Variants in MID2 observed in about 807,000 individuals in gnomAD.
The protein encoded by MID2 is probable E3 ubiquitin-protein ligase MID2.
A neutral mutation model predicts 46.1 loss-of-function variants in MID2; 13 were observed. The ratio of observed to expected loss-of-function variants is 0.28; its 90% confidence interval spans 0.18 to 0.45. MID2 has a LOEUF of 0.45. MID2 is among the 20% of genes least tolerant of loss of function. The pLI is 1.00. For missense variants in MID2, 431 were observed against 575.4 expected (o/e 0.75, Z 2.57); for synonymous variants, 199 against 212.3 (o/e 0.94, Z 0.55).
chrX:107,897,456 T>G (rs1364484908), intron 3 of MID2, among the ~76,000 whole-genome samples: 1 of 112,244 alleles, frequency 8.9e-6, no homozygotes, highest in Non-Finnish European at 1.9e-5. Flanking sequence ...CCACCCTCCC[T>G]CAAATCTAAA....
chrX:107,926,807 C>T lies in MID2; in HGVS notation c.1942C>T (p.Pro648Ser). 2 of 1,211,384 alleles carry T rather than the reference C, an allele frequency of 1.7e-6. No individual in the cohort carries two copies. Among genetic ancestry groups the T allele is most frequent in the Non-Finnish European group, 2.2e-6 (2 of 895,243 alleles). Reference protein sequence around the residue: ...HNNKEMLVDVPPHLKRLGVLL... With the variant: ...HNNKEMLVDVSPHLKRLGVLL... The stretch of plus-strand genomic sequence containing the variant: ...CAACAAGGAAATGCTGGTGGATGTG[C>T]CCCCACACCTGAAGCGTCTGGGTGT... The change falls in exon 10 of 10, where the codon CCC becomes TCC. Residue 648 changes from proline (P) to serine (S), a missense_variant. Transcript: ENST00000262843.
intron 3 of MID2, among the ~76,000 whole-genome samples, chrX:107,890,362 T>C (rs1212754583): frequency 8.9e-6 from 1 of 112,372 alleles, no homozygotes; most frequent in East Asian, 2.8e-4. Flanking sequence ...TGCAGGCCTG[T>C]TGGAGTTTGT....
intron 5 of MID2, among the ~76,000 whole-genome samples, chrX:107,906,951 C>G (rs1290394471): frequency 1.8e-5 from 2 of 112,429 alleles, no homozygotes; most frequent in Non-Finnish European, 3.8e-5. Context: ...AGGCCTGACT[C>G]CTATACTTTC....
chrX:107,849,995 C>T (rs1931573308), intron 2 of MID2, among the ~76,000 whole-genome samples: 1 of 112,066 alleles, frequency 8.9e-6, no homozygotes, highest in African/African-American at 3.2e-5. Flanking sequence ...CACTTTGGCT[C>T]TCTTGCTGTC....
chrX:107,855,882 C>T (rs73527043), intron 3 of MID2, among the ~76,000 whole-genome samples: 7,867 of 111,348 alleles, frequency 0.071, 713 homozygotes, highest in African/African-American at 0.24. Context: ...GAGTACTGGT[C>T]AAACTCAGAT....
intron 3 of MID2, among the ~76,000 whole-genome samples, chrX:107,860,152 C>T (rs753826353): frequency 4.5e-5 from 5 of 111,189 alleles, no homozygotes; most frequent in Non-Finnish European, 7.5e-5. Flanking sequence ...CAGCTTGAGA[C>T]AGTGGCAGTA....
intron 3 of MID2, among the ~76,000 whole-genome samples, chrX:107,858,469 A>G (rs1045975528): frequency 2.7e-5 from 3 of 112,352 alleles, no homozygotes; most frequent in African/African-American, 9.7e-5. Flanking sequence ...GGTTCTGTGA[A>G]TAATAGGCAT....
rs186917575 is a variant in MID2 at position 107,902,482 on chromosome X, G to C, written c.817-1476G>C. ...TAGATCCAATTTAGGGAAAGGGTGAGGTGTCTGAGAAAAAAAAGTAGAATG... is the reference window on the plus strand; with the variant it reads ...TAGATCCAATTTAGGGAAAGGGTGACGTGTCTGAGAAAAAAAAGTAGAATG... On this transcript the variant is annotated intron_variant, in intron 3 of 9. Transcript: ENST00000262843. 7.8e-3 allele frequency among the ~76,000 whole-genome samples: 871 copies of C among 111,246 alleles called. 7 individuals carry two copies. Among genetic ancestry groups the C allele is most frequent in the Non-Finnish European group, 0.013 (703 of 52,978 alleles).
rs748124616 is a variant in MID2, at chrX:107,901,816, C to T, written c.817-2142C>T. Among the ~76,000 whole-genome samples, 10 of 111,682 alleles carry T rather than the reference C, an allele frequency of 9.0e-5. No individual in the cohort carries two copies. The South Asian group carries it at 3.8e-3, about 43-fold the overall frequency. On this transcript the variant is annotated intron_variant, in intron 3 of 9. Transcript: ENST00000262843. The stretch of plus-strand genomic sequence containing the variant: ...GATAAGTAGAAATGTGTTCAGTAAA[C>T]AGATGGGGAAATGACTTTCCAAGTA...
intron 3 of MID2, among the ~76,000 whole-genome samples, chrX:107,887,460 C>T (rs1341371467): frequency 1.8e-5 from 2 of 111,825 alleles, no homozygotes; most frequent in Non-Finnish European, 3.8e-5. Flanking sequence ...AGCCTTGCAT[C>T]CCAGGGATGA....
chrX:107,874,238 G>A (rs770567548), intron 3 of MID2, among the ~76,000 whole-genome samples: 3 of 111,865 alleles, frequency 2.7e-5, no homozygotes, highest in Non-Finnish European at 5.7e-5. Context: ...TGGATTTAGG[G>A]AGGGACAGGT....
rs1281498247 is a variant in MID2, at chrX:107,917,684, G to A, written c.1380G>A (p.Glu460=). ...KSWCSWGLWP[E]IRKCKEAVSC... The stretch of plus-strand genomic sequence containing the variant: ...GGTGTAGTTGGGGCCTGTGGCCAGA[G>A]ATAAGGAAATGTAAGGAAGCAGTAA... The change falls in exon 7 of 10, where the codon GAG becomes GAA. Residue 460 remains glutamate, a synonymous_variant. Transcript: ENST00000262843. 3 of 1,210,598 alleles carry A rather than the reference G, an allele frequency of 2.5e-6. No individual in the cohort carries two copies. Among genetic ancestry groups the A allele is most frequent in the Non-Finnish European group, 3.4e-6 (3 of 895,424 alleles).
At chrX:107,835,422 G>A (rs775733076) in intron 1 of MID2, among the ~76,000 whole-genome samples, 52 of 112,034 alleles carry the variant, frequency 4.6e-4, no homozygotes, top group Admixed American at 2.7e-3. Context: ...AGGAACTGTC[G>A]AACTATTTCC....
Position 107,904,163 on chromosome X carries a change from A to C in MID2, c.924+98A>C, listed in dbSNP as rs1308719973. 14 of 612,082 alleles carry C rather than the reference A, an allele frequency of 2.3e-5. No individual in the cohort carries two copies. In the East Asian group the frequency reaches 5.0e-4, roughly 22 times the overall value. The allele number at this position is 612,082 out of a possible 1,213,427, so 50.4% of individuals were successfully genotyped here. On this transcript the variant is annotated intron_variant, in intron 4 of 9. Transcript: ENST00000262843. ...CTGGTTTGATCATGAAATCAAGAAG[A>C]AATGAGATTATAGGGGGAGAGGCAA...
chrX:107,828,310 CTT>C (rs766362742), intron 1 of MID2, among the ~76,000 whole-genome samples: 9 of 82,988 alleles, frequency 1.1e-4, no homozygotes, highest in Admixed American at 1.3e-4. Context: ...TCTTTCTTTT[CTT>C]TTTTTTTTTT....
intron 1 of MID2, among the ~76,000 whole-genome samples, chrX:107,829,040 C>T (rs956997654): frequency 3.6e-4 from 40 of 111,605 alleles, no homozygotes; most frequent in African/African-American, 1.1e-3. Context: ...CCATCACACC[C>T]GGCTAATTTT....
chrX:107,915,925 G>A lies in MID2; in HGVS notation c.1074-77G>A, dbSNP rs1290134134. 6.5e-5 allele frequency: 65 copies of A among 996,533 alleles called. No individual in the cohort carries two copies. The Admixed American group carries it at 1.9e-3, about 29-fold the overall frequency. 82.1% of individuals were successfully genotyped at this position (996,533 alleles called of 1,213,427 possible). A position where few individuals can be genotyped will look rare whatever the true frequency, so the allele number is the denominator to read the frequency against. On this transcript the variant is annotated intron_variant, in intron 5 of 9. Coordinates refer to ENST00000262843, the MANE Select transcript of MID2 (RefSeq NM_012216.4). ...CTTACAAGTCATTTATTTTCTCCTT[G>A]TTAAACCAGAAATCAAACACTGGGT...
At chrX:107,874,685 G>T (rs1602478598) in intron 3 of MID2, among the ~76,000 whole-genome samples, 1 of 112,480 alleles carries the variant, frequency 8.9e-6, no homozygotes, top group Admixed American at 9.4e-5. Context: ...TTAGCTGCCT[G>T]AGTATCCTTT....
intron 3 of MID2, among the ~76,000 whole-genome samples, chrX:107,888,414 T>G (rs1275259679): frequency 1.8e-5 from 2 of 112,352 alleles, no homozygotes; most frequent in African/African-American, 6.5e-5. Context: ...GGTTGTTCAG[T>G]TTCCATGTAG....
Sources: allele counts gnomAD v4.1 joint callset (sites outside exome capture counted in the v4.1 genomes callset), GRCh38; gene constraint gnomAD v4.1.1; transcripts MANE v1.5; gene names NCBI Gene and HGNC (gene_info 2026-07-23, HGNC 2026-07-21).